The following BMPER variants were observed in gnomAD, a reference collection of about 807,000 sequenced individuals.
BMPER encodes BMP-binding endothelial regulator protein.
BMPER carries 45 observed loss-of-function variants against 87.3 expected under a neutral mutation model. That is an observed-to-expected ratio of 0.52 (90% CI 0.41 to 0.66). The LOEUF is 0.66. Among genes scored for constraint, BMPER ranks in the 30% least tolerant of loss-of-function variants. The pLI is 0.00. For synonymous variants in BMPER, 326 were observed against 316.2 expected, an observed-to-expected ratio of 1.03 and a Z score of -0.33; for missense variants, 784 against 867.5, an observed-to-expected ratio of 0.90 and a Z score of 1.21.
chr7:34,148,007 G>A (rs750804744), intron 14 of BMPER, among the ~76,000 whole-genome samples: 11 of 152,108 alleles, frequency 7.2e-5, no homozygotes, highest in Non-Finnish European at 1.6e-4. Flanking sequence ...ACCCTTCCAA[G>A]GCTTCCGTTT....
chr7:34,006,216 A>C (rs902383536), intron 6 of BMPER, among the ~76,000 whole-genome samples: 2 of 152,108 alleles, frequency 1.3e-5, no homozygotes, highest in Non-Finnish European at 2.9e-5. Flanking sequence ...TTTTTTCTAA[A>C]ATAATCATTG....
chr7:34,134,588 A>G (rs1790673387), intron 13 of BMPER, among the ~76,000 whole-genome samples: 1 of 152,148 alleles, frequency 6.6e-6, no homozygotes, highest in Non-Finnish European at 1.5e-5. Context: ...TTAACTTCCC[A>G]ACAGGAGTAT....
chr7:34,096,091 A>G (rs1282349071), intron 13 of BMPER, among the ~76,000 whole-genome samples: 1 of 152,146 alleles, frequency 6.6e-6, no homozygotes, highest in Non-Finnish European at 1.5e-5. Flanking sequence ...AACAGGCCTG[A>G]GTGCTGTGGT....
At chr7:34,083,126 T>A (rs1345223370) in intron 12 of BMPER, among the ~76,000 whole-genome samples, 1 of 152,242 alleles carries the variant, frequency 6.6e-6, no homozygotes, top group African/African-American at 2.4e-5. Context: ...ATTGAGTGTA[T>A]CAGTGTTACC....
At chr7:33,962,148 T>G (rs1785288167) in intron 3 of BMPER, among the ~76,000 whole-genome samples, 1 of 152,162 alleles carries the variant, frequency 6.6e-6, no homozygotes, top group Admixed American at 6.5e-5. Flanking sequence ...CTGAAAAAGG[T>G]CAGAACTAAT....
At chr7:34,118,973 A>ATC (rs150887903) in intron 13 of BMPER, among the ~76,000 whole-genome samples, 2,232 of 127,750 alleles carry the variant, frequency 0.017, 28 homozygotes, top group Non-Finnish European at 0.029. Flanking sequence ...ATTCCTTAAA[A>ATC]TCTCTCTCTC....
chr7:34,115,607 A>T (rs898822185), intron 13 of BMPER, among the ~76,000 whole-genome samples: 1 of 152,178 alleles, frequency 6.6e-6, no homozygotes, highest in Non-Finnish European at 1.5e-5. Context: ...TGTGGTTGTG[A>T]CTGGCTTCTT....
intron 2 of BMPER, among the ~76,000 whole-genome samples, chr7:33,920,168 C>G (rs1025999436): frequency 6.6e-6 from 1 of 152,150 alleles, no homozygotes; most frequent in Non-Finnish European, 1.5e-5. Context: ...CCCCTTCCTC[C>G]CTCAAGTAGC....
intron 10 of BMPER, among the ~76,000 whole-genome samples, chr7:34,059,027 G>A (rs767800): frequency 0.1 from 14,285 of 137,714 alleles, 1,124 homozygotes; most frequent in African/African-American, 0.23. Context: ...AGGAAAAAAA[G>A]AAAAAAAAAA....
At chr7:33,931,226 A>G (rs1177768119) in intron 2 of BMPER, among the ~76,000 whole-genome samples, 1 of 152,202 alleles carries the variant, frequency 6.6e-6, no homozygotes, top group Non-Finnish European at 1.5e-5. Flanking sequence ...CTAAAGTCTC[A>G]ACAGCCTATT....
chr7:33,935,585 A>G (rs961101387), intron 2 of BMPER, among the ~76,000 whole-genome samples: 1 of 134,502 alleles, frequency 7.4e-6, no homozygotes, highest in Non-Finnish European at 1.6e-5. Context: ...AAAGAAAGAG[A>G]GAAAGAGACA....
chr7:34,141,421 C>G (rs1247083218), intron 13 of BMPER, among the ~76,000 whole-genome samples: 1 of 151,900 alleles, frequency 6.6e-6, no homozygotes, highest in Non-Finnish European at 1.5e-5. Flanking sequence ...ACCAGCCTGG[C>G]CAACATGGTG....
At chr7:34,063,245 A>T (rs1788487698) in intron 11 of BMPER, among the ~76,000 whole-genome samples, 1 of 152,202 alleles carries the variant, frequency 6.6e-6, no homozygotes, top group Non-Finnish European at 1.5e-5. Flanking sequence ...AGACAGCTGA[A>T]AGCAGCTTTC....
At chr7:34,048,137 T>C (rs1788038628) in intron 7 of BMPER, among the ~76,000 whole-genome samples, 1 of 152,102 alleles carries the variant, frequency 6.6e-6, no homozygotes. Flanking sequence ...GAGTTTACTG[T>C]CTTCAACTCT....
intron 13 of BMPER, among the ~76,000 whole-genome samples, chr7:34,135,700 T>C (rs1338214246): frequency 6.6e-6 from 1 of 152,206 alleles, no homozygotes; most frequent in African/African-American, 2.4e-5. Flanking sequence ...TTCTCATTCA[T>C]AATAGTCTTT....
intron 6 of BMPER, among the ~76,000 whole-genome samples, chr7:33,984,967 G>A (rs1351224903): frequency 6.6e-6 from 1 of 152,108 alleles, no homozygotes; most frequent in African/African-American, 2.4e-5. Context: ...TGCCTGTACA[G>A]CCAGCCAGTC....
chr7:33,974,257 C>T lies in BMPER; in HGVS notation c.494-445C>T, dbSNP rs117369877. 4.3e-4 allele frequency among the ~76,000 whole-genome samples: 66 copies of T among 152,200 alleles called. 1 individual carries two copies. In the East Asian group the frequency reaches 9.5e-3, roughly 22 times the overall value. ...TGGAGTGAGATTGGGGTACCTAGGACGCGATAGAGGCTGTGCCCTTCTTAG... is the reference window on the plus strand; with the variant it reads ...TGGAGTGAGATTGGGGTACCTAGGATGCGATAGAGGCTGTGCCCTTCTTAG... On this transcript the variant is annotated intron_variant, in intron 5 of 14. Transcript: ENST00000649409.
chr7:33,910,481 A>G (rs1318442102), intron 2 of BMPER, among the ~76,000 whole-genome samples: 1 of 152,220 alleles, frequency 6.6e-6, no homozygotes, highest in African/African-American at 2.4e-5. Flanking sequence ...ACCTAACTGT[A>G]GAATAGGAGG....
intron 6 of BMPER, among the ~76,000 whole-genome samples, chr7:33,986,584 A>C (rs1462580736): frequency 6.6e-6 from 1 of 152,126 alleles, no homozygotes; most frequent in Non-Finnish European, 1.5e-5. Flanking sequence ...TTCATGATAA[A>C]TCTGTAGAGG....
Sources: gnomAD v4.1 joint callset for allele counts (sites outside exome capture counted in the v4.1 genomes callset) on GRCh38, gnomAD v4.1.1 for gene constraint, MANE v1.5 for transcripts, NCBI Gene and HGNC (gene_info 2026-07-23, HGNC 2026-07-21) for gene names.